GADL1: variants seen among roughly 807,000 people sequenced by gnomAD.
The protein encoded by GADL1 is GAD like acidic amino acid decarboxylase 1.
In GADL1, 71 loss-of-function variants were observed where a neutral mutation model predicts 69.5. That is an observed-to-expected ratio of 1.02 (90% CI 0.84 to 1.25). The LOEUF (loss-of-function observed/expected upper bound fraction) is 1.25, where lower values mean the gene tolerates loss of function less well. GADL1 is among the 50% of genes most tolerant of loss of function. The pLI, the probability that GADL1 is intolerant of heterozygous loss-of-function variation, is 0.00. For synonymous variants in GADL1, 254 were observed against 214.4 expected (o/e 1.18, Z -1.62); for missense variants, 737 against 631.8 (o/e 1.17, Z -1.79).
chr3:30,861,509 C>T lies in GADL1; in HGVS notation c.210+84G>A, dbSNP rs191467328. On this transcript the variant is annotated intron_variant, in intron 2 of 14. Transcript: ENST00000282538. ...AGAAGAAATAAAAACTTGGCCTTCC[C>T]ATTTGCTTTCTATTCAGCCATACTG... 7.3e-4 allele frequency: 721 copies of T among 986,778 alleles called. 1 individual carries two copies. The highest frequency in any genetic ancestry group is 2.0e-3 in the Middle Eastern group (9 of 4,574). The allele number at this position is 986,778 out of a possible 1,614,324, so 61.1% of individuals were successfully genotyped here.
chr3:30,731,354 C>T (rs951500030), intron 14 of GADL1, among the ~76,000 whole-genome samples: 2 of 152,052 alleles, frequency 1.3e-5, no homozygotes, highest in Admixed American at 1.3e-4. Context: ...TCAATACTTC[C>T]ATTTTTTCTC....
At chr3:30,812,131 A>C (rs1435956118) in intron 11 of GADL1, among the ~76,000 whole-genome samples, 2 of 152,208 alleles carry the variant, frequency 1.3e-5, no homozygotes, top group Non-Finnish European at 1.5e-5. Flanking sequence ...AATACAAGTG[A>C]AGAATGGCTT....
At chr3:30,735,611 G>C (rs893343405) in intron 14 of GADL1, among the ~76,000 whole-genome samples, 1 of 152,202 alleles carries the variant, frequency 6.6e-6, no homozygotes, top group Non-Finnish European at 1.5e-5. Context: ...GAAGAGATGA[G>C]TGGTTGCCAG....
chr3:30,826,992 T>C (rs982507306), intron 11 of GADL1, among the ~76,000 whole-genome samples: 4 of 151,758 alleles, frequency 2.6e-5, no homozygotes, highest in Admixed American at 6.6e-5. Context: ...AGACAAACAA[T>C]TTCCATACCC....
intron 6 of GADL1, among the ~76,000 whole-genome samples, chr3:30,846,337 G>A (rs897696454): frequency 6.6e-6 from 1 of 152,152 alleles, no homozygotes; most frequent in African/African-American, 2.4e-5. Context: ...AACTCTCAGC[G>A]GGTGTTCATT....
At chr3:30,799,525 T>TGG (rs1697116787) in intron 12 of GADL1, 1 of 152,156 alleles carries the variant, frequency 6.6e-6, no homozygotes, top group African/African-American at 2.4e-5. Context: ...CTGGGTCTGA[T>TGG]GGGAGGGACT....
intron 14 of GADL1, among the ~76,000 whole-genome samples, chr3:30,731,525 G>A (rs1018860422): frequency 1.3e-5 from 2 of 152,146 alleles, no homozygotes; most frequent in Non-Finnish European, 1.5e-5. Context: ...AACAAGAAAG[G>A]TAAAGGAAGA....
intron 14 of GADL1, among the ~76,000 whole-genome samples, chr3:30,761,594 C>T (rs564959874): frequency 6.6e-6 from 1 of 152,196 alleles, no homozygotes; most frequent in South Asian, 2.1e-4. Context: ...GTTCTGTGTC[C>T]AGGAAGTCTG....
intron 12 of GADL1, among the ~76,000 whole-genome samples, chr3:30,795,316 C>CT (rs1167516384): frequency 2.0e-5 from 3 of 152,082 alleles, no homozygotes; most frequent in African/African-American, 4.8e-5. Context: ...GGTTAGAAGA[C>CT]TGAAAGAGTT....
intron 14 of GADL1, among the ~76,000 whole-genome samples, chr3:30,752,102 C>T (rs1387328200): frequency 6.8e-6 from 1 of 147,196 alleles, no homozygotes; most frequent in Non-Finnish European, 1.5e-5. Context: ...TGTGGTTTCT[C>T]ATTCCACACA....
intron 12 of GADL1, among the ~76,000 whole-genome samples, chr3:30,790,561 T>C (rs889753952): frequency 8.5e-5 from 13 of 152,286 alleles, no homozygotes; most frequent in African/African-American, 3.1e-4. Context: ...ATTAACCATG[T>C]TTCCCAATGA....
intron 1 of GADL1, among the ~76,000 whole-genome samples, chr3:30,888,481 A>C (rs1028635595): frequency 3.3e-5 from 5 of 152,130 alleles, no homozygotes; most frequent in Non-Finnish European, 5.9e-5. Context: ...AAGGAGAGAG[A>C]AGAGGGGTGT....
intron 14 of GADL1, among the ~76,000 whole-genome samples, chr3:30,729,794 T>G (rs1392863366): frequency 6.6e-6 from 1 of 152,234 alleles, no homozygotes; most frequent in East Asian, 1.9e-4. Context: ...ACACTTTTTT[T>G]TCCACATGTA....
At chr3:30,863,374 AGACG>A (rs1188295010) in intron 1 of GADL1, among the ~76,000 whole-genome samples, 1 of 152,016 alleles carries the variant, frequency 6.6e-6, no homozygotes, top group Non-Finnish European at 1.5e-5. Context: ...CAAAAGGATG[AGACG>A]GAACATGTTC....
intron 8 of GADL1, among the ~76,000 whole-genome samples, chr3:30,843,191 G>A (rs984750251): frequency 6.6e-6 from 1 of 151,732 alleles, no homozygotes; most frequent in Non-Finnish European, 1.5e-5. Flanking sequence ...GGATGGGAGA[G>A]AAGCAGCAAA....
At chr3:30,815,285 T>C (rs1483909231) in intron 11 of GADL1, among the ~76,000 whole-genome samples, 2 of 152,030 alleles carry the variant, frequency 1.3e-5, no homozygotes, top group African/African-American at 4.8e-5. Context: ...AAGTTACTAG[T>C]AAAGGAACAA....
chr3:30,822,874 G>C (rs1358473507), intron 11 of GADL1, among the ~76,000 whole-genome samples: 1 of 151,900 alleles, frequency 6.6e-6, no homozygotes, highest in Non-Finnish European at 1.5e-5. Flanking sequence ...CTTAGGGTAG[G>C]GAGCATGTCT....
chr3:30,886,136 G>A (rs1213822602), intron 1 of GADL1, among the ~76,000 whole-genome samples: 1 of 152,048 alleles, frequency 6.6e-6, no homozygotes, highest in African/African-American at 2.4e-5. Flanking sequence ...GAACTAATTG[G>A]TAAATGACAA....
intron 14 of GADL1, among the ~76,000 whole-genome samples, chr3:30,739,908 C>A (rs1025410144): frequency 1.3e-5 from 2 of 152,142 alleles, no homozygotes; most frequent in African/African-American, 4.8e-5. Context: ...TAAAAGCAAT[C>A]CAGACCATTT....
Sources: allele counts gnomAD v4.1 joint callset (sites outside exome capture counted in the v4.1 genomes callset), GRCh38; gene constraint gnomAD v4.1.1; transcripts MANE v1.5; gene names NCBI Gene and HGNC (gene_info 2026-07-23, HGNC 2026-07-21).